The following PTPRG variants were observed in gnomAD, a reference collection of about 807,000 sequenced individuals.
PTPRG encodes the protein protein tyrosine phosphatase receptor type G, also known as receptor-type tyrosine-protein phosphatase gamma.
Under a neutral mutation model 165.3 loss-of-function variants are expected in PTPRG, and 102 were observed. That is an observed-to-expected ratio of 0.62 (90% CI 0.53 to 0.73). The LOEUF is 0.73. Ranked by LOEUF, PTPRG falls within the 30% of genes least tolerant of loss-of-function variation. PTPRG has a pLI of 0.00. For synonymous variants in PTPRG, 675 were observed against 669.5 expected (o/e 1.01, Z -0.13); for missense variants, 1,866 against 1,861.4 (o/e 1.00, Z -0.05).
intron 7 of PTPRG, among the ~76,000 whole-genome samples, chr3:62,161,391 A>G (rs150410937): frequency 1.2e-4 from 19 of 152,346 alleles, no homozygotes; most frequent in Admixed American, 1.1e-3. Context: ...TAATTTATTT[A>G]ATCAAATGTA....
chr3:61,906,778 TGTAGGTAG>T (rs71123239), intron 2 of PTPRG, among the ~76,000 whole-genome samples: 5,518 of 146,924 alleles, frequency 0.038, 178 homozygotes, highest in African/African-American at 0.084. Flanking sequence ...AGTGAGACCC[TGTAGGTAG>T]GTAGGTAGGT....
chr3:61,827,046 G>T (rs1236570884), intron 2 of PTPRG, among the ~76,000 whole-genome samples: 1 of 152,108 alleles, frequency 6.6e-6, no homozygotes, highest in Non-Finnish European at 1.5e-5. Flanking sequence ...TATGAATGAG[G>T]ATATAGACGT....
chr3:62,037,412 TAGCAGCATCCCGGACCTCTA>T (rs1216977906), intron 4 of PTPRG, among the ~76,000 whole-genome samples: 1 of 152,186 alleles, frequency 6.6e-6, no homozygotes, highest in Non-Finnish European at 1.5e-5. Context: ...ATAGGATGTT[TAGCAGCATCCCGGACCTCTA>T]GCCAACAGAT....
chr3:62,251,809 G>A (rs1450145191), intron 15 of PTPRG, among the ~76,000 whole-genome samples: 1 of 152,094 alleles, frequency 6.6e-6, no homozygotes, highest in Non-Finnish European at 1.5e-5. Flanking sequence ...AATGGACCTG[G>A]GTTCAAATCT....
chr3:62,173,177 C>T (rs1156410020), intron 8 of PTPRG, among the ~76,000 whole-genome samples: 1 of 152,068 alleles, frequency 6.6e-6, no homozygotes, highest in Admixed American at 6.6e-5. Flanking sequence ...ATGTAAATGC[C>T]ATGTAAATAG....
At chr3:61,974,238 TG>T (rs1338177993) in intron 2 of PTPRG, among the ~76,000 whole-genome samples, 2 of 152,062 alleles carry the variant, frequency 1.3e-5, no homozygotes, top group African/African-American at 2.4e-5. Context: ...GAACTTTTTT[TG>T]TACCAGTTTT....
At chr3:62,110,063 C>T (rs997730914) in intron 5 of PTPRG, among the ~76,000 whole-genome samples, 85 of 145,780 alleles carry the variant, frequency 5.8e-4, no homozygotes, top group African/African-American at 2.1e-3. Flanking sequence ...TGTTCAGTAG[C>T]TCTCTCTCTA....
chr3:61,921,200 A>G (rs930632894), intron 2 of PTPRG, among the ~76,000 whole-genome samples: 1 of 150,854 alleles, frequency 6.6e-6, no homozygotes, highest in African/African-American at 2.5e-5. Context: ...GATGGGACAG[A>G]TTACTATTTA....
intron 23 of PTPRG, 80 bp from the exon 24 acceptor site, chr3:62,275,793 T>C (rs753702335): frequency 7.5e-5 from 75 of 1,003,140 alleles, no homozygotes; most frequent in Non-Finnish European, 9.3e-5. Context: ...AGTAATCTGA[T>C]TGGGATTTTT....
At chr3:61,737,415 GCCTAAATCTTA>G (rs2032760207) in intron 1 of PTPRG, among the ~76,000 whole-genome samples, 1 of 152,124 alleles carries the variant, frequency 6.6e-6, no homozygotes, top group South Asian at 2.1e-4. Context: ...AAGAAAACTT[GCCTAAATCTTA>G]CCAAACTTCC....
At chr3:62,276,585 A>G (rs771625952) in intron 24 of PTPRG, 8 of 182,850 alleles carry the variant, frequency 4.4e-5, no homozygotes, top group Non-Finnish European at 2.3e-5. Context: ...TAAGACCATC[A>G]TGAGCAGAAA....
At chr3:61,676,425 C>T (rs542881415) in intron 1 of PTPRG, among the ~76,000 whole-genome samples, 174 of 98,036 alleles carry the variant, frequency 1.8e-3, no homozygotes, top group African/African-American at 6.4e-3. Context: ...CCACTGCACT[C>T]CAGCCTGGGC....
At chr3:61,969,006 G>C (rs1452832149) in intron 2 of PTPRG, among the ~76,000 whole-genome samples, 1 of 152,160 alleles carries the variant, frequency 6.6e-6, no homozygotes, top group Non-Finnish European at 1.5e-5. Context: ...GCACAAACTT[G>C]AGTCTCAGAT....
intron 4 of PTPRG, among the ~76,000 whole-genome samples, chr3:62,008,508 A>G (rs2041346594): frequency 6.6e-6 from 1 of 152,210 alleles, no homozygotes; most frequent in Non-Finnish European, 1.5e-5. Context: ...ATTTTTCCTA[A>G]TGTATACCAT....
At chr3:61,885,428 A>G (rs1278537333) in intron 2 of PTPRG, among the ~76,000 whole-genome samples, 3 of 150,406 alleles carry the variant, frequency 2.0e-5, no homozygotes, top group African/African-American at 4.9e-5. Flanking sequence ...TTCTTTTCCT[A>G]TTTGTACATA....
chr3:61,649,072 A>T (rs1269234017), intron 1 of PTPRG, among the ~76,000 whole-genome samples: 1 of 152,124 alleles, frequency 6.6e-6, no homozygotes, highest in Admixed American at 6.5e-5. Context: ...TTTGTTTTTC[A>T]TTGTTACACG....
chr3:61,698,244 T>A (rs1192010516), intron 1 of PTPRG, among the ~76,000 whole-genome samples: 1 of 152,134 alleles, frequency 6.6e-6, no homozygotes, highest in Non-Finnish European at 1.5e-5. Flanking sequence ...TGATATAAAG[T>A]CTCCATGGCA....
chr3:62,054,084 A>G (rs1444688566), intron 4 of PTPRG, among the ~76,000 whole-genome samples: 1 of 152,146 alleles, frequency 6.6e-6, no homozygotes, highest in Non-Finnish European at 1.5e-5. Context: ...CTGCACATCT[A>G]TGAGCGTACT....
chr3:61,800,303 G>A (rs1242767550), intron 2 of PTPRG, among the ~76,000 whole-genome samples: 10 of 152,122 alleles, frequency 6.6e-5, no homozygotes, highest in Non-Finnish European at 2.9e-5. Context: ...TGTTATTACA[G>A]CTCCAATTTC....
Sources: gnomAD v4.1 joint callset for allele counts (sites outside exome capture counted in the v4.1 genomes callset) on GRCh38, gnomAD v4.1.1 for gene constraint, MANE v1.5 for transcripts, NCBI Gene and HGNC (gene_info 2026-07-23, HGNC 2026-07-21) for gene names.